FBXW7: variants seen among roughly 807,000 people sequenced by gnomAD.
FBXW7 encodes F-box/WD repeat-containing protein 7.
FBXW7 carries 11 observed loss-of-function variants against 86.3 expected under a neutral mutation model. That is an observed-to-expected ratio of 0.13 (90% confidence interval 0.08 to 0.21). The LOEUF (loss-of-function observed/expected upper bound fraction) is 0.21, where lower values mean the gene tolerates loss of function less well. Ranked by LOEUF, FBXW7 falls within the 10% of genes least tolerant of loss-of-function variation. The pLI, the probability that FBXW7 is intolerant of heterozygous loss-of-function variation, is 1.00. For missense variants in FBXW7, 488 were observed against 847.4 expected, an observed-to-expected ratio of 0.58 and a Z score of 5.27; for synonymous variants, 313 against 297.9, an observed-to-expected ratio of 1.05 and a Z score of -0.52.
intron 7 of FBXW7, among the ~76,000 whole-genome samples, chr4:152,333,937 C>T (rs146007524): frequency 0.01 from 1,572 of 152,020 alleles, 20 homozygotes; most frequent in East Asian, 0.04. Flanking sequence ...GCTTATAATC[C>T]CAGCTACTCA....
chr4:152,345,467 T>C (rs553020524), intron 6 of FBXW7, among the ~76,000 whole-genome samples: 18 of 152,294 alleles, frequency 1.2e-4, no homozygotes, highest in African/African-American at 3.1e-4. Context: ...TTTAGTACCA[T>C]TGACATTTTG....
chr4:152,357,478 AC>A (rs1229931603), intron 4 of FBXW7, among the ~76,000 whole-genome samples: 1 of 151,492 alleles, frequency 6.6e-6, no homozygotes, highest in Non-Finnish European at 1.5e-5. Flanking sequence ...GTGCCACCAC[AC>A]CCCACTAATT....
intron 2 of FBXW7, among the ~76,000 whole-genome samples, chr4:152,490,297 T>C (rs1471912250): frequency 6.6e-6 from 1 of 152,106 alleles, no homozygotes; most frequent in Non-Finnish European, 1.5e-5. Context: ...CACTGAATTG[T>C]ATATTTAAAA....
intron 4 of FBXW7, among the ~76,000 whole-genome samples, chr4:152,366,200 A>T (rs1378054173): frequency 2.6e-5 from 4 of 152,176 alleles, no homozygotes; most frequent in African/African-American, 9.6e-5. Context: ...TTTCCCCCTC[A>T]GGGAAAAGTC....
intron 4 of FBXW7, among the ~76,000 whole-genome samples, chr4:152,365,984 T>C (rs1199147217): frequency 6.6e-6 from 1 of 152,130 alleles, no homozygotes; most frequent in Non-Finnish European, 1.5e-5. Flanking sequence ...ATAAAAAATA[T>C]TTATATGAGA....
intron 4 of FBXW7, among the ~76,000 whole-genome samples, chr4:152,407,982 C>T (rs75725443): frequency 0.014 from 2,085 of 152,340 alleles, 26 homozygotes; most frequent in Middle Eastern, 0.037. Context: ...TGAGCCACCA[C>T]ACCTGGCTAT....
intron 2 of FBXW7, among the ~76,000 whole-genome samples, chr4:152,500,255 AT>A: frequency 6.6e-6 from 1 of 152,106 alleles, no homozygotes; most frequent in East Asian, 1.9e-4. Flanking sequence ...TTCTTCCTCT[AT>A]ATTATGCTAT....
chr4:152,501,815 T>C lies in FBXW7; in HGVS notation c.-120+33126A>G, dbSNP rs547676299. Among the ~76,000 whole-genome samples the C allele has an allele frequency of 7.9e-5, 12 of 152,252 alleles. No individual in the cohort carries two copies. The South Asian group carries it at 2.1e-3, about 26-fold the overall frequency. ...AAATGATGAAACAGTCTTTAGAATA[T>C]AGATACTTTTCCACTCTCCAACTAC... On this transcript the variant is annotated intron_variant, in intron 2 of 13. Transcript: ENST00000281708.
intron 2 of FBXW7, among the ~76,000 whole-genome samples, chr4:152,466,704 A>G (rs1159067575): frequency 1.3e-5 from 2 of 152,164 alleles, no homozygotes; most frequent in East Asian, 3.9e-4. Context: ...GCACTTTGGG[A>G]GGCCGAGGTG....
In FBXW7 at chr4:152,332,497, A is replaced by AT. The variant is rs1729656327; in HGVS notation, c.985+98dup. ...TGTAGAATAATCTGTGGATTTTATCATAAGTAGCTGAATATTATTTTTATT... is the reference window on the plus strand; with the variant it reads ...TGTAGAATAATCTGTGGATTTTATCATTAAGTAGCTGAATATTATTTTTATT... On this transcript the variant is annotated intron_variant, in intron 8 of 13. Coordinates refer to ENST00000281708, the MANE Select transcript of FBXW7 (RefSeq NM_001349798.2). The AT allele has an allele frequency of 1.0e-5, 12 of 1,195,390 alleles. 1 individual carries two copies. The South Asian group carries it at 2.5e-4, about 25-fold the overall frequency. The allele number at this position is 1,195,390 out of a possible 1,614,324, so 74.0% of individuals were successfully genotyped here.
chr4:152,333,819 C>G (rs536836356), intron 7 of FBXW7, among the ~76,000 whole-genome samples: 2 of 152,006 alleles, frequency 1.3e-5, no homozygotes, highest in East Asian at 3.9e-4. Flanking sequence ...TTTGGGAGGC[C>G]GAGGTGGGTG....
chr4:152,443,246 G>A (rs1486910180), intron 2 of FBXW7, among the ~76,000 whole-genome samples: 1 of 152,092 alleles, frequency 6.6e-6, no homozygotes, highest in Admixed American at 6.6e-5. Flanking sequence ...TGGGCAACAA[G>A]AGTGAAACTC....
chr4:152,413,789 T>A (rs1415540311), intron 2 of FBXW7, among the ~76,000 whole-genome samples: 4 of 152,164 alleles, frequency 2.6e-5, no homozygotes. Context: ...TGACATTTCA[T>A]CTTTTTTGAC....
At chr4:152,477,417 C>T (rs192680929) in intron 2 of FBXW7, among the ~76,000 whole-genome samples, 1 of 152,192 alleles carries the variant, frequency 6.6e-6, no homozygotes, top group East Asian at 1.9e-4. Flanking sequence ...ATTTTAACAA[C>T]TATACGCATT....
At chr4:152,486,769 C>T (rs549761515) in intron 2 of FBXW7, among the ~76,000 whole-genome samples, 1 of 152,050 alleles carries the variant, frequency 6.6e-6, no homozygotes, top group South Asian at 2.1e-4. Flanking sequence ...ATACATAAAC[C>T]GTTAACATAG....
Position 152,332,367 on chromosome 4 carries a change from T to C in FBXW7, c.985+229A>G, listed in dbSNP as rs988793027. On this transcript the variant is annotated intron_variant, in intron 8 of 13. Coordinates refer to ENST00000281708, the MANE Select transcript of FBXW7 (RefSeq NM_001349798.2). ...AGTCATCCTCATCTTGACTTTTTCA[T>C]TGTTTATTAATTCTACTAGTGATAG... Among the ~76,000 whole-genome samples the C allele has an allele frequency of 8.5e-5, 13 of 152,186 alleles. No individual in the cohort carries two copies. In the East Asian group the frequency reaches 2.3e-3, roughly 27 times the overall value.
chr4:152,451,790 A>G (rs1356602973), intron 2 of FBXW7: 1 of 151,984 alleles, frequency 6.6e-6, no homozygotes, highest in Non-Finnish European at 1.5e-5. Context: ...TCTCAAAAAA[A>G]AAAAAGAAAA....
At position 152,374,409 on chromosome 4, in the gene FBXW7, C is replaced by T. The variant is rs190791674; in HGVS notation, c.502-24285G>A. Among the ~76,000 whole-genome samples the T allele has an allele frequency of 3.9e-5, 6 of 152,104 alleles. No homozygotes were observed. The East Asian group carries it at 1.2e-3, about 29-fold the overall frequency. ...ATTACTTTTAAAATTAAGTGTCAAA[C>T]TGTATCTGAGTTTCGTTAAATTTAG... is the stretch of plus-strand genomic sequence containing the variant. On this transcript the variant is annotated intron_variant, in intron 4 of 13. Coordinates refer to ENST00000281708, the MANE Select transcript of FBXW7 (RefSeq NM_001349798.2).
chr4:152,399,269 A>G (rs1303425750), intron 4 of FBXW7, among the ~76,000 whole-genome samples: 1 of 152,174 alleles, frequency 6.6e-6, no homozygotes, highest in Non-Finnish European at 1.5e-5. Context: ...ACCATTAAGA[A>G]ATAGGATAGA....
Sources: gnomAD v4.1 joint callset for allele counts (sites outside exome capture counted in the v4.1 genomes callset) on GRCh38, gnomAD v4.1.1 for gene constraint, MANE v1.5 for transcripts, NCBI Gene and HGNC (gene_info 2026-07-23, HGNC 2026-07-21) for gene names.